PDE4B: variants seen among roughly 807,000 people sequenced by gnomAD.
The protein encoded by PDE4B is phosphodiesterase 4B, also known as 3',5'-cyclic-AMP phosphodiesterase 4B.
A neutral mutation model predicts 82.2 loss-of-function variants in PDE4B; 20 were observed. That is an observed-to-expected ratio of 0.24 (90% CI 0.17 to 0.35). The LOEUF (loss-of-function observed/expected upper bound fraction) is 0.35, where lower values mean the gene tolerates loss of function less well. Ranked by LOEUF, PDE4B falls within the 10% of genes least tolerant of loss-of-function variation. The pLI is 1.00. For synonymous variants in PDE4B, 320 were observed against 318.9 expected (o/e 1.00, Z -0.04); for missense variants, 655 against 907.2 (o/e 0.72, Z 3.57).
intron 3 of PDE4B, among the ~76,000 whole-genome samples, chr1:65,932,780 A>G (rs1205878192): frequency 6.6e-6 from 1 of 152,168 alleles, no homozygotes; most frequent in Non-Finnish European, 1.5e-5. Flanking sequence ...TGTAGAGCTA[A>G]ATAATACAAT....
chr1:66,203,637 C>T (rs1268394212), intron 3 of PDE4B, among the ~76,000 whole-genome samples: 1 of 152,184 alleles, frequency 6.6e-6, no homozygotes, highest in Non-Finnish European at 1.5e-5. Context: ...CAGTTGTTCG[C>T]ATCGGCTCCT....
chr1:66,272,263 C>T (rs17097232), intron 7 of PDE4B, among the ~76,000 whole-genome samples: 3,873 of 152,250 alleles, frequency 0.025, 54 homozygotes, highest in Middle Eastern at 0.051. Context: ...GCCAGAGATT[C>T]GCCTCACACA....
chr1:65,863,274 C>G (rs1571032615), intron 1 of PDE4B, among the ~76,000 whole-genome samples: 1 of 152,164 alleles, frequency 6.6e-6, no homozygotes, highest in Admixed American at 6.5e-5. Flanking sequence ...AGTTGTCATT[C>G]AGGAGCAGGT....
intron 3 of PDE4B, among the ~76,000 whole-genome samples, chr1:66,150,691 C>T (rs1286424068): frequency 1.3e-5 from 2 of 152,088 alleles, no homozygotes; most frequent in African/African-American, 2.4e-5. Flanking sequence ...TGTCTTTCAT[C>T]GGATTGCAGA....
At chr1:66,088,194 C>A (rs1191402917) in intron 3 of PDE4B, among the ~76,000 whole-genome samples, 1 of 151,900 alleles carries the variant, frequency 6.6e-6, no homozygotes, top group Admixed American at 6.6e-5. Context: ...CACAGTGAAT[C>A]TGAAGATTCT....
chr1:66,163,365 G>T (rs919784366), intron 3 of PDE4B, among the ~76,000 whole-genome samples: 3 of 152,178 alleles, frequency 2.0e-5, no homozygotes, highest in African/African-American at 7.2e-5. Flanking sequence ...TCAGAAGATT[G>T]TGATGGGGAT....
At chr1:65,953,824 A>G (rs1399949788) in intron 3 of PDE4B, among the ~76,000 whole-genome samples, 2 of 152,126 alleles carry the variant, frequency 1.3e-5, no homozygotes, top group African/African-American at 4.8e-5. Context: ...ATTTTGCATA[A>G]CAAATGGTCT....
At chr1:66,340,268 C>T (rs1660875009) in intron 8 of PDE4B, among the ~76,000 whole-genome samples, 1 of 152,166 alleles carries the variant, frequency 6.6e-6, no homozygotes, top group African/African-American at 2.4e-5. Flanking sequence ...GTTTGATTGA[C>T]TTTAAAGTAG....
intron 3 of PDE4B, among the ~76,000 whole-genome samples, chr1:66,006,757 C>G (rs1320297869): frequency 6.6e-6 from 1 of 152,108 alleles, no homozygotes; most frequent in Non-Finnish European, 1.5e-5. Context: ...TTTCCCTGCT[C>G]TGCTCTGCAC....
At chr1:66,030,445 G>T (rs1653710128) in intron 3 of PDE4B, among the ~76,000 whole-genome samples, 1 of 152,172 alleles carries the variant, frequency 6.6e-6, no homozygotes, top group Non-Finnish European at 1.5e-5. Context: ...CTCCTTGCAT[G>T]TCTGGTAGAA....
At chr1:66,054,810 C>A (rs185559642) in intron 3 of PDE4B, among the ~76,000 whole-genome samples, 1 of 152,186 alleles carries the variant, frequency 6.6e-6, no homozygotes, top group Non-Finnish European at 1.5e-5. Context: ...CCTCTTCTGT[C>A]ATGGTTCCTC....
At chr1:65,876,214 C>T (rs1646641830) in intron 1 of PDE4B, among the ~76,000 whole-genome samples, 1 of 152,020 alleles carries the variant, frequency 6.6e-6, no homozygotes, top group Admixed American at 6.6e-5. Flanking sequence ...TTTCTCACTA[C>T]TCACCAATAG....
At chr1:66,100,987 C>A (rs924982300) in intron 3 of PDE4B, among the ~76,000 whole-genome samples, 5 of 152,156 alleles carry the variant, frequency 3.3e-5, no homozygotes, top group African/African-American at 1.2e-4. Context: ...CATCCTCCCC[C>A]CACCCCACAA....
At chr1:66,028,037 T>C (rs935665698) in intron 3 of PDE4B, among the ~76,000 whole-genome samples, 3 of 152,218 alleles carry the variant, frequency 2.0e-5, no homozygotes, top group Non-Finnish European at 2.9e-5. Flanking sequence ...GTAGGGACTC[T>C]GTGTGGGGGC....
chr1:65,919,802 T>C (rs368464987), intron 3 of PDE4B, among the ~76,000 whole-genome samples: 7 of 152,310 alleles, frequency 4.6e-5, no homozygotes, highest in African/African-American at 1.7e-4. Context: ...CAGTATGTGC[T>C]CTTTGAATAA....
intron 1 of PDE4B, among the ~76,000 whole-genome samples, chr1:65,881,476 C>G (rs1182780548): frequency 1.3e-5 from 2 of 152,162 alleles, no homozygotes; most frequent in Non-Finnish European, 2.9e-5. Flanking sequence ...AGATGCAGAT[C>G]CTGAGAGTAC....
At position 66,006,131 on chromosome 1, in the gene PDE4B, A is replaced by G. The variant is rs150406974; in HGVS notation, c.281+87296A>G. Among the ~76,000 whole-genome samples the G allele has an allele frequency of 3.9e-5, 6 of 152,354 alleles. No homozygotes were observed. The East Asian group carries it at 1.2e-3, about 29-fold the overall frequency. On this transcript the variant is annotated intron_variant, in intron 3 of 16. Coordinates refer to ENST00000341517, the MANE Select transcript of PDE4B (RefSeq NM_002600.4). Reference sequence around the variant, plus strand: ...TACATTAATGAATTTTGTATTTTATATGAACCCTAAAAATGCTCTTGCCAA... The same window carrying G: ...TACATTAATGAATTTTGTATTTTATGTGAACCCTAAAAATGCTCTTGCCAA...
intron 3 of PDE4B, among the ~76,000 whole-genome samples, chr1:65,991,904 T>G (rs1651265093): frequency 6.6e-6 from 1 of 152,230 alleles, no homozygotes; most frequent in African/African-American, 2.4e-5. Flanking sequence ...TTTTCCTGGT[T>G]GTTACCTTCA....
chr1:66,283,379 A>ATATATATG (rs1656430519), intron 7 of PDE4B, among the ~76,000 whole-genome samples: 1 of 151,748 alleles, frequency 6.6e-6, no homozygotes, highest in East Asian at 1.9e-4. Flanking sequence ...ATATATGTAT[A>ATATATATG]TATATATGTA....
Sources: gnomAD v4.1 joint callset for allele counts (sites outside exome capture counted in the v4.1 genomes callset) on GRCh38, gnomAD v4.1.1 for gene constraint, MANE v1.5 for transcripts, NCBI Gene and HGNC (gene_info 2026-07-23, HGNC 2026-07-21) for gene names.